Variants in ACOX2 observed in about 807,000 individuals in gnomAD.
ACOX2 encodes the protein peroxisomal acyl-coenzyme A oxidase 2.
A neutral mutation model predicts 77.5 loss-of-function variants in ACOX2; 59 were observed. The observed-to-expected ratio is 0.76, with a 90% CI of 0.62 to 0.95. The LOEUF is 0.95. Among genes scored for constraint, ACOX2 ranks in the 40% least tolerant of loss-of-function variants. The pLI is 0.00. For missense variants in ACOX2, 837 were observed against 880.4 expected (o/e 0.95, Z 0.62); for synonymous variants, 317 against 340.1 (o/e 0.93, Z 0.75).
At chr3:58,527,890 G>C (rs979769698) in intron 9 of ACOX2, among the ~76,000 whole-genome samples, 21 of 150,040 alleles carry the variant, frequency 1.4e-4, no homozygotes, top group African/African-American at 5.2e-4. Flanking sequence ...TTGTGGAGAC[G>C]GGGGTCTCAC....
Position 58,534,577 on chromosome 3 carries a change from T to C in ACOX2, c.161-55A>G. On this transcript the variant is annotated intron_variant, in intron 2 of 14. Coordinates refer to ENST00000302819, the MANE Select transcript of ACOX2 (RefSeq NM_003500.4). This position sits in a 1 kb window ranked among gnomAD's most constrained non-coding sequence, Gnocchi z 4.8. Reference sequence around the variant, plus strand: ...GGACCTGGGTGAGGTTTCTGGCACCTTGAAATCTTCTCACCCACTTGCTTC... The same window carrying C: ...GGACCTGGGTGAGGTTTCTGGCACCCTGAAATCTTCTCACCCACTTGCTTC... The C allele has an allele frequency of 2.5e-6, 4 of 1,613,634 alleles. No individual in the cohort carries two copies. The highest frequency in any genetic ancestry group is 3.4e-6 in the Non-Finnish European group (4 of 1,179,906).
Position 58,521,294 on chromosome 3 carries a change from G to A in ACOX2, c.1632+1202C>T, listed in dbSNP as rs563947709. Among the ~76,000 whole-genome samples, 1 of 152,314 alleles carries A rather than the reference G, an allele frequency of 6.6e-6. No individual in the cohort carries two copies. Among genetic ancestry groups the A allele is most frequent in the East Asian group, 1.9e-4 (1 of 5,176 alleles). ...GCCTGACCAGCCCTGTCCCACGAGG[G>A]CCTCTGCAGCCCTTCAGGGCTCTCC... On this transcript the variant is annotated intron_variant, in intron 12 of 14. Coordinates refer to ENST00000302819, the MANE Select transcript of ACOX2 (RefSeq NM_003500.4). This position sits in a 1 kb window ranked among gnomAD's most constrained non-coding sequence, Gnocchi z 4.8.
chr3:58,518,879 A>T (rs1464235933), intron 12 of ACOX2, among the ~76,000 whole-genome samples: 4 of 150,450 alleles, frequency 2.7e-5, no homozygotes, highest in Non-Finnish European at 1.5e-5. Context: ...AGCTCAAGTG[A>T]TCCTCCTTCC....
At chr3:58,517,023 CCCATTTTTTT>C (rs1560212746) in intron 13 of ACOX2, among the ~76,000 whole-genome samples, 173 bp downstream of exon 13, 1 of 151,984 alleles carries the variant, frequency 6.6e-6, no homozygotes, top group Admixed American at 6.6e-5. Context: ...CCCATTTTTT[CCCATTTTTTT>C]CTTTCATTAA....
intron 14 of ACOX2, among the ~76,000 whole-genome samples, chr3:58,507,608 T>G (rs1339022177): frequency 6.6e-6 from 1 of 152,222 alleles, no homozygotes; most frequent in Non-Finnish European, 1.5e-5. Flanking sequence ...GGCACACATT[T>G]ATCTTTAGAC....
At position 58,534,517 on chromosome 3, in the gene ACOX2, T is replaced by G; in HGVS notation, c.166A>C (p.Ile56Leu). The G allele has an allele frequency of 6.2e-7, 1 of 1,614,224 alleles. No homozygotes were observed. The highest frequency in any genetic ancestry group is 8.5e-7 in the Non-Finnish European group (1 of 1,180,026). The change falls in exon 3 of 15, where the codon ATC (isoleucine) becomes CTC (leucine). Residue 56 changes from isoleucine (I) to leucine (L), a missense_variant. By Grantham distance (5) the Ile-to-Leu change is conservative (BLOSUM62 2). Transcript: ENST00000302819. The surrounding 1 kb of genome is among the most constrained non-coding windows in gnomAD (Gnocchi z 4.8). ...CTAAACTCCGGGTAACTGTGGATGA[T>G]GCTCTCTGCAGAGGACAGAGAACAG... Reference protein sequence around the residue: ...NTALRRKVESIIHSYPEFSCK... With the variant: ...NTALRRKVESLIHSYPEFSCK...
chr3:58,533,586 T>C lies in ACOX2; in HGVS notation c.476-34A>G. The C allele has an allele frequency of 6.2e-7, 1 of 1,601,232 alleles. No homozygotes were observed. Among genetic ancestry groups the C allele is most frequent in the Non-Finnish European group, 8.6e-7 (1 of 1,168,750 alleles). ...CAAGGAGAGGTGTTAGACATTGGCC[T>C]GAGGTGGGGTTCTTACCTGTGAAGC... On this transcript the variant is annotated intron_variant, in intron 4 of 14. Coordinates refer to ENST00000302819, the MANE Select transcript of ACOX2 (RefSeq NM_003500.4). The surrounding 1 kb of genome is among the most constrained non-coding windows in gnomAD (Gnocchi z 5.6).
At chr3:58,518,153 T>C (rs1450122894) in intron 12 of ACOX2, among the ~76,000 whole-genome samples, 1 of 149,120 alleles carries the variant, frequency 6.7e-6, no homozygotes, top group East Asian at 2.0e-4. Flanking sequence ...GTCAGTGGTG[T>C]GTGTGTGTGC....
At chr3:58,509,936 GTATT>G (rs1480680774) in intron 13 of ACOX2, among the ~76,000 whole-genome samples, 1 of 152,092 alleles carries the variant, frequency 6.6e-6, no homozygotes, top group Non-Finnish European at 1.5e-5. Context: ...TGATATTTCA[GTATT>G]TATCTGAATG....
At chr3:58,511,157 C>T (rs1476977640) in intron 13 of ACOX2, 1 of 408,834 alleles carries the variant, frequency 2.4e-6, no homozygotes, top group Non-Finnish European at 4.9e-6. Flanking sequence ...GCCTCAGTCC[C>T]TCCTTGTCTA....
At position 58,505,544 on chromosome 3, in the gene ACOX2, G is replaced by A. The variant is rs750319024; in HGVS notation, c.1984-258C>T. On this transcript the variant is annotated intron_variant, in intron 14 of 14. Coordinates refer to ENST00000302819, the MANE Select transcript of ACOX2 (RefSeq NM_003500.4). This position sits in a 1 kb window ranked among gnomAD's most constrained non-coding sequence, Gnocchi z 4.4. ...AAACACAGCTTATCACTTGCTTTTG[G>A]AATTTCATACAAATAAAAGGCTTGA... Among the ~76,000 whole-genome samples the A allele has an allele frequency of 1.3e-5, 2 of 152,132 alleles. No homozygotes were observed. The highest frequency in any genetic ancestry group is 2.9e-5 in the Non-Finnish European group (2 of 68,030).
At chr3:58,509,143 A>G in intron 13 of ACOX2, 118 bp from the exon 14 acceptor site, 1 of 1,240,442 alleles carries the variant, frequency 8.1e-7, no homozygotes, top group Non-Finnish European at 1.1e-6. Context: ...CTTTTCAAAC[A>G]ATTCAGCATT....
At position 58,525,818 on chromosome 3, in the gene ACOX2, T is replaced by C. The variant is rs1174094842; in HGVS notation, c.1346+648A>G. Reference sequence around the variant, plus strand: ...CAGGTGGATCACCTGAGGTCAGGAGTTGGAGAGCAGCCTGGCCAACATGGT... The same window carrying C: ...CAGGTGGATCACCTGAGGTCAGGAGCTGGAGAGCAGCCTGGCCAACATGGT... On this transcript the variant is annotated intron_variant, in intron 10 of 14. Coordinates refer to ENST00000302819, the MANE Select transcript of ACOX2 (RefSeq NM_003500.4). This position sits in a 1 kb window ranked among gnomAD's most constrained non-coding sequence, Gnocchi z 5.0. 2.0e-5 allele frequency among the ~76,000 whole-genome samples: 3 copies of C among 150,930 alleles called. No individual in the cohort carries two copies. The highest frequency in any genetic ancestry group is 7.3e-5 in the African/African-American group (3 of 40,986).
At chr3:58,520,799 G>T (rs919713330) in intron 12 of ACOX2, among the ~76,000 whole-genome samples, 1 of 152,130 alleles carries the variant, frequency 6.6e-6, no homozygotes, top group Non-Finnish European at 1.5e-5. Flanking sequence ...TCCCCCGCAG[G>T]CTGGCTGGCT....
chr3:58,535,087 C>T lies in ACOX2; in HGVS notation c.20G>A (p.Arg7Gln), dbSNP rs755275922. ...GCTCCAGGTATCCCCCAATGACACT[C>T]GGTGCACTGGGCTGCCCATCCTATC... MGSPVH[R>Q]VSLGDTWSRQ... The change falls in exon 2 of 15, where the codon CGA becomes CAA. Residue 7 changes from arginine (R) to glutamine (Q), a missense_variant. By Grantham distance (43) the Arg-to-Gln change is conservative. Transcript: ENST00000302819. The surrounding 1 kb of genome is among the most constrained non-coding windows in gnomAD (Gnocchi z 4.8). 44 of 1,614,074 alleles carry T rather than the reference C, an allele frequency of 2.7e-5. 1 individual carries two copies. The highest frequency in any genetic ancestry group is 2.5e-4 in the South Asian group (23 of 91,082).
chr3:58,506,928 AC>A (rs1200261387), intron 14 of ACOX2, among the ~76,000 whole-genome samples: 2 of 152,236 alleles, frequency 1.3e-5, no homozygotes, highest in Admixed American at 6.5e-5. Flanking sequence ...AAAATTATCC[AC>A]AGCACATTAA....
At position 58,526,413 on chromosome 3, in the gene ACOX2, C is replaced by T. The variant is rs946508061; in HGVS notation, c.1346+53G>A. On this transcript the variant is annotated intron_variant, in intron 10 of 14. Transcript: ENST00000302819. This position sits in a 1 kb window ranked among gnomAD's most constrained non-coding sequence, Gnocchi z 4.3. ...GACGGAACCCTCCACCCAACAGAAG[C>T]TTGGTGGGTCCCCAAGGGCTTGGGC... 2 of 1,535,268 alleles carry T rather than the reference C, an allele frequency of 1.3e-6. No homozygotes were observed. The highest frequency in any genetic ancestry group is 1.8e-6 in the Non-Finnish European group (2 of 1,137,260).
In ACOX2 at chr3:58,523,636, G is replaced by A. The variant is rs750552246; in HGVS notation, c.1526+790C>T. On this transcript the variant is annotated intron_variant, in intron 11 of 14. Transcript: ENST00000302819. The surrounding 1 kb of genome is among the most constrained non-coding windows in gnomAD (Gnocchi z 5.3). ...AAAATTTTTTGTATTTTTGGTAGAGGTGGGGTTTCACCATGTTGCCGAAGC... is the reference window on the plus strand; with the variant it reads ...AAAATTTTTTGTATTTTTGGTAGAGATGGGGTTTCACCATGTTGCCGAAGC... Among the ~76,000 whole-genome samples the A allele has an allele frequency of 1.3e-4, 20 of 151,630 alleles. No homozygotes were observed. The highest frequency in any genetic ancestry group is 2.6e-4 in the Admixed American group (4 of 15,194).
At position 58,515,552 on chromosome 3, in the gene ACOX2, C is replaced by T. The variant is rs996798225; in HGVS notation, c.1850+1654G>A. ...CCTCAAGTGATCCTCCCACCTTGGC[C>T]TCCCAAAGTGCTGGGATTACAGGTG... On this transcript the variant is annotated intron_variant, in intron 13 of 14. Transcript: ENST00000302819. This position sits in a 1 kb window ranked among gnomAD's most constrained non-coding sequence, Gnocchi z 4.0. Among the ~76,000 whole-genome samples the T allele has an allele frequency of 3.3e-5, 5 of 152,180 alleles. No homozygotes were observed.
Sources: allele counts gnomAD v4.1 joint callset (sites outside exome capture counted in the v4.1 genomes callset), GRCh38; gene constraint gnomAD v4.1.1; non-coding constraint Gnocchi (gnomAD v3.1); transcripts MANE v1.5; gene names NCBI Gene and HGNC (gene_info 2026-07-23, HGNC 2026-07-21).